SYT1: variants seen among roughly 807,000 people sequenced by gnomAD.
SYT1 encodes synaptotagmin-1.
Under a neutral mutation model 44.8 loss-of-function variants are expected in SYT1, and 8 were observed. The ratio of observed to expected loss-of-function variants is 0.18; its 90% CI spans 0.10 to 0.32. The LOEUF (loss-of-function observed/expected upper bound fraction) is 0.32, where lower values mean the gene tolerates loss of function less well. Among genes scored for constraint, SYT1 ranks in the 10% least tolerant of loss-of-function variants. SYT1 has a pLI of 1.00. For synonymous variants in SYT1, 154 were observed against 188.8 expected (o/e 0.82, Z 1.51); for missense variants, 286 against 509.3 (o/e 0.56, Z 4.22).
At chr12:79,406,324 T>C (rs373002920) in intron 9 of SYT1, among the ~76,000 whole-genome samples, 8 of 152,228 alleles carry the variant, frequency 5.3e-5, no homozygotes, top group Admixed American at 3.9e-4. Flanking sequence ...TGGGGCAAGA[T>C]AGTGCCTCTG....
At chr12:79,218,269 G>A (rs1333281830) in intron 4 of SYT1, among the ~76,000 whole-genome samples, 3 of 151,666 alleles carry the variant, frequency 2.0e-5, no homozygotes, top group Non-Finnish European at 4.4e-5. Flanking sequence ...TCATACTATT[G>A]TACAACATGT....
chr12:78,931,052 C>T (rs967024865), intron 1 of SYT1, among the ~76,000 whole-genome samples: 6 of 150,946 alleles, frequency 4.0e-5, no homozygotes, highest in African/African-American at 1.5e-4. Flanking sequence ...ATCCCAGCTA[C>T]TTGGGAGGCT....
intron 7 of SYT1, among the ~76,000 whole-genome samples, chr12:79,296,737 T>TA (rs1161028099): frequency 3.3e-5 from 5 of 152,170 alleles, no homozygotes. Flanking sequence ...ACATATTTTT[T>TA]ATTGCATTTC....
intron 1 of SYT1, among the ~76,000 whole-genome samples, chr12:78,966,448 C>A (rs1330527528): frequency 1.3e-5 from 2 of 152,156 alleles, no homozygotes; most frequent in Non-Finnish European, 2.9e-5. Flanking sequence ...TGACTTTAGA[C>A]AGACAATTCC....
intron 2 of SYT1, among the ~76,000 whole-genome samples, chr12:79,025,245 G>A (rs1409794027): frequency 6.6e-6 from 1 of 151,700 alleles, no homozygotes; most frequent in Non-Finnish European, 1.5e-5. Flanking sequence ...AAAATTATCT[G>A]AACCATCATT....
chr12:79,434,378 A>G (rs1223691654), intron 9 of SYT1, among the ~76,000 whole-genome samples: 5 of 152,206 alleles, frequency 3.3e-5, no homozygotes, highest in Non-Finnish European at 7.3e-5. Flanking sequence ...TTCTATATAG[A>G]CATTTTAAAC....
intron 8 of SYT1, among the ~76,000 whole-genome samples, chr12:79,349,206 G>A (rs1419705496): frequency 1.3e-5 from 2 of 150,400 alleles, no homozygotes. Context: ...GGGAAGGAAG[G>A]AACGATGGAA....
At position 79,202,163 on chromosome 12, in the gene SYT1, T is replaced by C. The variant is rs74870911; in HGVS notation, c.-17-15340T>C. 2.3e-3 allele frequency among the ~76,000 whole-genome samples: 350 copies of C among 152,312 alleles called. 1 individual carries two copies. The highest frequency in any genetic ancestry group is 7.9e-3 in the African/African-American group (328 of 41,572). ...TCTTTCTAAACTCTTTATTTGAAGA[T>C]CTGAGATGCAAACTGTGGTATATTC... On this transcript the variant is annotated intron_variant, in intron 3 of 10. Coordinates refer to ENST00000261205, the MANE Select transcript of SYT1 (RefSeq NM_005639.3).
intron 1 of SYT1, among the ~76,000 whole-genome samples, chr12:78,868,252 T>A (rs1296343313): frequency 6.6e-6 from 1 of 151,902 alleles, no homozygotes; most frequent in East Asian, 1.9e-4. Context: ...TTTGATTATA[T>A]AATGGAACAA....
intron 3 of SYT1, among the ~76,000 whole-genome samples, chr12:79,060,334 T>C (rs1875286961): frequency 6.6e-6 from 1 of 151,934 alleles, no homozygotes; most frequent in Admixed American, 6.6e-5. Context: ...TAACATCAAA[T>C]TTACCATTTT....
At chr12:79,105,283 T>C (rs376607195) in intron 3 of SYT1, among the ~76,000 whole-genome samples, 18 of 152,316 alleles carry the variant, frequency 1.2e-4, no homozygotes, top group South Asian at 1.0e-3. Flanking sequence ...TGAGTACTTC[T>C]TGGTATGATG....
intron 3 of SYT1, among the ~76,000 whole-genome samples, chr12:79,180,395 T>C (rs1872452964): frequency 6.6e-6 from 1 of 152,092 alleles, no homozygotes; most frequent in Non-Finnish European, 1.5e-5. Flanking sequence ...TCAACATATG[T>C]AATCATTTAA....
intron 2 of SYT1, among the ~76,000 whole-genome samples, chr12:78,993,987 TG>T (rs1274902842): frequency 1.3e-5 from 2 of 152,336 alleles, no homozygotes; most frequent in East Asian, 3.9e-4. Flanking sequence ...GATAGTATGT[TG>T]TTGGCAGAAC....
At chr12:79,093,601 C>T (rs776421055) in intron 3 of SYT1, among the ~76,000 whole-genome samples, 3 of 151,496 alleles carry the variant, frequency 2.0e-5, no homozygotes, top group Non-Finnish European at 4.4e-5. Flanking sequence ...TCAGTTTAAC[C>T]TTACAATATT....
intron 1 of SYT1, among the ~76,000 whole-genome samples, chr12:78,881,769 GA>G (rs1017222170): frequency 6.7e-5 from 10 of 149,272 alleles, no homozygotes; most frequent in Admixed American, 1.3e-4. Context: ...GGAAAAGATA[GA>G]AAAAAAAAGA....
intron 3 of SYT1, among the ~76,000 whole-genome samples, chr12:79,122,350 T>C (rs1011957582): frequency 6.7e-6 from 1 of 149,920 alleles, no homozygotes; most frequent in African/African-American, 2.5e-5. Context: ...CCGTCTCTAC[T>C]AAAAATACAA....
chr12:79,295,992 C>A (rs942160038), intron 6 of SYT1, 77 bp from the exon 7 acceptor site: 1 of 1,430,804 alleles, frequency 7.0e-7, no homozygotes, highest in Non-Finnish European at 9.4e-7. Flanking sequence ...TCCCAATATG[C>A]AGCATTGTGA....
At chr12:79,428,578 T>G (rs1164692917) in intron 9 of SYT1, among the ~76,000 whole-genome samples, 1 of 152,178 alleles carries the variant, frequency 6.6e-6, no homozygotes, top group Admixed American at 6.5e-5. Context: ...TATGTGAAAC[T>G]TCTTGCAATG....
chr12:79,275,742 T>C (rs903227210), intron 4 of SYT1, among the ~76,000 whole-genome samples: 1 of 152,180 alleles, frequency 6.6e-6, no homozygotes, highest in African/African-American at 2.4e-5. Flanking sequence ...AGGCAGTTCT[T>C]ACCCTTAGGT....
Sources: gnomAD v4.1 joint callset for allele counts (sites outside exome capture counted in the v4.1 genomes callset) on GRCh38, gnomAD v4.1.1 for gene constraint, MANE v1.5 for transcripts, NCBI Gene and HGNC (gene_info 2026-07-23, HGNC 2026-07-21) for gene names.